SEMA4F: variants seen among roughly 807,000 people sequenced by gnomAD.
SEMA4F encodes the protein ssemaphorin 4F, also known as semaphorin-4F.
SEMA4F carries 51 observed loss-of-function variants against 78.4 expected under a neutral mutation model. The ratio of observed to expected loss-of-function variants is 0.65; its 90% confidence interval spans 0.52 to 0.82. The LOEUF (loss-of-function observed/expected upper bound fraction) is 0.82. SEMA4F is among the 40% of genes least tolerant of loss of function. The pLI is 0.00. For synonymous variants in SEMA4F, 418 were observed against 408.7 expected, an observed-to-expected ratio of 1.02 and a Z score of -0.27; for missense variants, 938 against 1,014.4, an observed-to-expected ratio of 0.92 and a Z score of 1.02.
At chr2:74,694,037 A>G in the SEMA4F span, among the ~76,000 whole-genome samples, 2 of 152,218 alleles carry the variant, frequency 1.3e-5, no homozygotes, top group African/African-American at 2.4e-5. Context: ...ACTAACAGAT[A>G]AACTCTGATA....
chr2:74,669,835 C>G (rs1684890573), intron 5 of SEMA4F, among the ~76,000 whole-genome samples: 1 of 151,994 alleles, frequency 6.6e-6, no homozygotes, highest in South Asian at 2.1e-4. Context: ...GTTTCTTCGT[C>G]TTTTGTGGCT....
At chr2:74,656,800 T>G in intron 2 of SEMA4F, 115 bp downstream of exon 2, 2 of 1,048,784 alleles carry the variant, frequency 1.9e-6, no homozygotes, top group Admixed American at 2.2e-5. Flanking sequence ...GCAGGGGTAG[T>G]AGGAGGGGGT....
rs1573270166 is a variant in SEMA4F at position 74,680,036 on chromosome 2, C to A, written c.2140C>A (p.Gln714Lys). The A allele has an allele frequency of 6.2e-7, 1 of 1,614,128 alleles. No individual in the cohort carries two copies. The highest frequency in any genetic ancestry group is 8.5e-7 in the Non-Finnish European group (1 of 1,179,954). ...ACCTTCTGGGACCACAAGCTACAGC[C>A]AAGACCCTCCCTCCCCCTCTCCTGA... ...APPSGTTSYS[Q>K]DPPSPSPEDE... Residue 714 changes from glutamine (Q) to lysine (K), a missense_variant, in exon 14 of 14, where the codon CAA (glutamine) becomes AAA (lysine). Coordinates refer to ENST00000357877, the MANE Select transcript of SEMA4F (RefSeq NM_004263.5).
At chr2:74,672,637 G>T (rs571855707) in intron 5 of SEMA4F, among the ~76,000 whole-genome samples, 1 of 152,234 alleles carries the variant, frequency 6.6e-6, no homozygotes, top group East Asian at 1.9e-4. Flanking sequence ...AGTGGCTACA[G>T]TTCTCTCCCA....
intron 5 of SEMA4F, among the ~76,000 whole-genome samples, chr2:74,669,585 AAAC>A (rs150974049): frequency 3.5e-3 from 535 of 151,398 alleles, no homozygotes; most frequent in African/African-American, 9.1e-3. Context: ...ACTCTGTCTC[AAAC>A]AACAACAACA....
At chr2:74,670,417 G>T (rs1372481940) in intron 5 of SEMA4F, among the ~76,000 whole-genome samples, 2 of 152,202 alleles carry the variant, frequency 1.3e-5, no homozygotes, top group Non-Finnish European at 2.9e-5. Flanking sequence ...GTTTCATGGT[G>T]TCAGTGATCC....
At chr2:74,698,431 G>T in the SEMA4F span, among the ~76,000 whole-genome samples, 1 of 152,194 alleles carries the variant, frequency 6.6e-6, no homozygotes, top group Non-Finnish European at 1.5e-5. Context: ...CATGGAGCTG[G>T]CTGTAAGTGG....
intron 1 of SEMA4F, among the ~76,000 whole-genome samples, chr2:74,654,726 A>G (rs916588740): frequency 6.6e-6 from 1 of 151,926 alleles, no homozygotes; most frequent in Non-Finnish European, 1.5e-5. Context: ...TCAGCCCCTC[A>G]TCCCCAGCCC....
chr2:74,689,563 A>G, the SEMA4F span, among the ~76,000 whole-genome samples: 2 of 152,198 alleles, frequency 1.3e-5, no homozygotes, highest in African/African-American at 4.8e-5. Context: ...AAAGATTTTT[A>G]TTTTTATAAT....
At chr2:74,664,881 A>G (rs1684602652) in intron 5 of SEMA4F, among the ~76,000 whole-genome samples, 1 of 152,200 alleles carries the variant, frequency 6.6e-6, no homozygotes, top group Admixed American at 6.5e-5. Context: ...CCTTCACTTA[A>G]AGAGCAGATA....
In SEMA4F at chr2:74,656,682, C is replaced by T. The variant is rs2079542930; in HGVS notation, c.294C>T (p.Arg98=). ...LSLPFSGERP[R]RIDWMVPEAH... Reference sequence around the variant, plus strand: ...TGCCCTTCTCAGGGGAGAGACCCCGCAGGGTGAGAGACAAGAGAGGGAAGG... The same window carrying T: ...TGCCCTTCTCAGGGGAGAGACCCCGTAGGGTGAGAGACAAGAGAGGGAAGG... The change falls in exon 2 of 14, where the codon CGC becomes CGT. Residue 98 remains arginine (R), a synonymous_variant. Coordinates refer to ENST00000357877, the MANE Select transcript of SEMA4F (RefSeq NM_004263.5). The T allele has an allele frequency of 6.2e-7, 1 of 1,614,106 alleles. No individual in the cohort carries two copies. The highest frequency in any genetic ancestry group is 1.3e-5 in the African/African-American group (1 of 75,042).
Position 74,673,562 on chromosome 2 carries a change from C to T in SEMA4F, c.656C>T (p.Pro219Leu). 2 of 1,614,174 alleles carry T rather than the reference C, an allele frequency of 1.2e-6. No individual in the cohort carries two copies. The highest frequency in any genetic ancestry group is 1.7e-6 in the Non-Finnish European group (2 of 1,180,038). ...GACTGGATTCGGACAGATACCTTGC[C>T]TTCCTGGCTGAACGGTGGGGAGAGG... ...AEDWIRTDTL[P>L]SWLNAPAFVA... Residue 219 changes from proline to leucine, a missense_variant, in exon 6 of 14, where the codon CCT becomes CTT. By Grantham distance (98) the Pro-to-Leu change is moderately conservative. Coordinates refer to ENST00000357877, the MANE Select transcript of SEMA4F (RefSeq NM_004263.5).
the SEMA4F span, among the ~76,000 whole-genome samples, chr2:74,698,952 T>C: frequency 6.6e-6 from 1 of 152,170 alleles, no homozygotes; most frequent in South Asian, 2.1e-4. Flanking sequence ...AATCACAGAC[T>C]CCTGAAGTTT....
downstream of SEMA4F, among the ~76,000 whole-genome samples, chr2:74,685,854 A>G (rs889139940): frequency 1.3e-5 from 2 of 152,198 alleles, no homozygotes; most frequent in Non-Finnish European, 2.9e-5. Flanking sequence ...AAAGAACTTA[A>G]ACAAATCTAC....
At chr2:74,701,727 G>A in the SEMA4F span, among the ~76,000 whole-genome samples, 1 of 152,132 alleles carries the variant, frequency 6.6e-6, no homozygotes, top group Non-Finnish European at 1.5e-5. Context: ...TGAAATTGGA[G>A]GATTCTCACA....
chr2:74,665,098 T>C (rs767137049), intron 5 of SEMA4F, among the ~76,000 whole-genome samples: 1 of 152,162 alleles, frequency 6.6e-6, no homozygotes, highest in Non-Finnish European at 1.5e-5. Context: ...TTTTTACCTA[T>C]ATTTTTGGGA....
chr2:74,686,015 A>G (rs1193503471), downstream of SEMA4F, among the ~76,000 whole-genome samples: 1 of 152,200 alleles, frequency 6.6e-6, no homozygotes. Flanking sequence ...ATGAGATACC[A>G]TCTCACGCCA....
Position 74,654,259 on chromosome 2 carries a change from A to C in SEMA4F, c.-118A>C. The stretch of plus-strand genomic sequence containing the variant: ...GGAGCCGGGCGGTGTTTCATCCCTC[A>C]GCCTCAGGCTGAGCCGGACCGAGCC... On this transcript the variant is annotated 5_prime_UTR_variant, in exon 1 of 14. Transcript: ENST00000357877. The C allele has an allele frequency of 8.2e-7, 1 of 1,212,210 alleles. No homozygotes were observed. The highest frequency in any genetic ancestry group is 1.1e-6 in the Non-Finnish European group (1 of 935,056). 75.1% of individuals were successfully genotyped at this position (1,212,210 alleles called of 1,614,324 possible). A position where few individuals can be genotyped will look rare whatever the true frequency, so the allele number is the denominator to read the frequency against.
intron 13 of SEMA4F, 116 bp from the exon 14 acceptor site, chr2:74,679,483 C>A: frequency 6.7e-7 from 1 of 1,498,314 alleles, no homozygotes; most frequent in South Asian, 1.2e-5. Context: ...TAGGAATCCC[C>A]TTTTTAGCTT....
Sources: allele counts gnomAD v4.1 joint callset (sites outside exome capture counted in the v4.1 genomes callset), GRCh38; gene constraint gnomAD v4.1.1; transcripts MANE v1.5; gene names NCBI Gene and HGNC (gene_info 2026-07-23, HGNC 2026-07-21).